Variants in ADAM32 observed in about 807,000 individuals in gnomAD.
ADAM32 encodes the protein ADAM metallopeptidase domain 32, also known as disintegrin and metalloproteinase domain-containing protein 32.
ADAM32 carries 89 observed loss-of-function variants against 114.9 expected under a neutral mutation model. The ratio of observed to expected loss-of-function variants is 0.77; its 90% CI spans 0.65 to 0.92. ADAM32 has a LOEUF of 0.92. Ranked by LOEUF, ADAM32 falls within the 40% of genes least tolerant of loss-of-function variation. The probability of loss-of-function intolerance (pLI) is 0.00; values close to 1 mark genes in which losing one functional copy is unlikely to be tolerated. For synonymous variants in ADAM32, 285 were observed against 307.5 expected, an observed-to-expected ratio of 0.93 and a Z score of 0.77; for missense variants, 870 against 932.8, an observed-to-expected ratio of 0.93 and a Z score of 0.88.
chr8:39,263,391 G>C (rs899748502), intron 19 of ADAM32, among the ~76,000 whole-genome samples: 17 of 151,932 alleles, frequency 1.1e-4, no homozygotes, highest in African/African-American at 4.1e-4. Context: ...CCTTATCTCT[G>C]CAATAATTGA....
chr8:39,130,669 G>A (rs1216652453), intron 2 of ADAM32, among the ~76,000 whole-genome samples: 1 of 152,010 alleles, frequency 6.6e-6, no homozygotes, highest in Non-Finnish European at 1.5e-5. Flanking sequence ...ATTTAGAAGT[G>A]TGTTTTTAAA....
chr8:39,180,828 A>G (rs1353139947), intron 10 of ADAM32, among the ~76,000 whole-genome samples: 1 of 151,634 alleles, frequency 6.6e-6, no homozygotes, highest in African/African-American at 2.4e-5. Context: ...CTCTGTATCT[A>G]GCTCAAGGTT....
intron 9 of ADAM32, 65 bp downstream of exon 9, chr8:39,165,261 T>C: frequency 8.7e-7 from 1 of 1,152,046 alleles, no homozygotes; most frequent in Non-Finnish European, 1.2e-6. Flanking sequence ...TGTGGCTTAA[T>C]GTAAGGAATT....
At chr8:39,145,992 TAA>T (rs973094420) in intron 3 of ADAM32, among the ~76,000 whole-genome samples, 1 of 151,986 alleles carries the variant, frequency 6.6e-6, no homozygotes, top group African/African-American at 2.4e-5. Flanking sequence ...TCGGCCTCCC[TAA>T]GTTTTGGGAT....
In ADAM32 at chr8:39,251,108, A is replaced by G. The variant is rs143008403; in HGVS notation, c.1903-3306A>G. ...CTTACATTGATTCTATATTTTGGCTATTGTGAATAGTGCTACAATAAACAT... is the reference window on the plus strand; with the variant it reads ...CTTACATTGATTCTATATTTTGGCTGTTGTGAATAGTGCTACAATAAACAT... On this transcript the variant is annotated intron_variant, in intron 17 of 24. Coordinates refer to ENST00000379907, the MANE Select transcript of ADAM32 (RefSeq NM_145004.7). Among the ~76,000 whole-genome samples the G allele has an allele frequency of 4.6e-3, 693 of 151,900 alleles. 6 individuals are homozygous for G. The highest frequency in any genetic ancestry group is 0.015 in the African/African-American group (626 of 41,488).
At position 39,211,462 on chromosome 8, in the gene ADAM32, C is replaced by T. The variant is rs928855767; in HGVS notation, c.1233+138C>T. ...AAGTGAAGTTGGGTCGAAATACATA[C>T]AAGAAAATACTGTTTAGATTTTGTA... is the stretch of plus-strand genomic sequence containing the variant. On this transcript the variant is annotated intron_variant, in intron 12 of 24. Coordinates refer to ENST00000379907, the MANE Select transcript of ADAM32 (RefSeq NM_145004.7). 7 of 832,524 alleles carry T rather than the reference C, an allele frequency of 8.4e-6. No homozygotes were observed. In the African/African-American group the frequency reaches 1.1e-4, roughly 13 times the overall value. The allele number at this position is 832,524 out of a possible 1,614,324, so 51.6% of individuals were successfully genotyped here.
chr8:39,254,346 AGCTTG>A (rs1246187673), intron 17 of ADAM32, 63 bp from the exon 18 acceptor site: 2 of 1,293,400 alleles, frequency 1.5e-6, no homozygotes, highest in Non-Finnish European at 2.2e-6. Context: ...TACAAAAGTA[AGCTTG>A]ATGCTCACCT....
At chr8:39,241,202 A>T (rs1175318665) in intron 16 of ADAM32, among the ~76,000 whole-genome samples, 1 of 152,236 alleles carries the variant, frequency 6.6e-6, no homozygotes, top group African/African-American at 2.4e-5. Context: ...GGGCTCCCAC[A>T]GCCTTGAGCA....
At chr8:39,188,411 A>G (rs1381317263) in intron 11 of ADAM32, among the ~76,000 whole-genome samples, 1 of 152,102 alleles carries the variant, frequency 6.6e-6, no homozygotes, top group African/African-American at 2.4e-5. Flanking sequence ...CTATCCATCC[A>G]TCTATCACAA....
intron 17 of ADAM32, among the ~76,000 whole-genome samples, chr8:39,247,905 T>C (rs78193529): frequency 7.6e-4 from 115 of 151,768 alleles, no homozygotes; most frequent in Non-Finnish European, 1.3e-3. Context: ...CTTTTTTTTT[T>C]CCTGCATTTT....
At chr8:39,258,113 T>C (rs958532470) in intron 19 of ADAM32, among the ~76,000 whole-genome samples, 3 of 152,028 alleles carry the variant, frequency 2.0e-5, no homozygotes, top group African/African-American at 7.2e-5. Context: ...TTTTTCAATT[T>C]TGGTTTGTTT....
rs1186152120 is a variant in ADAM32 at position 39,107,803 on chromosome 8, G to C, written c.28G>C (p.Gly10Arg). 6.5e-7 allele frequency: 1 copy of C among 1,549,566 alleles called. No individual in the cohort carries two copies. Among genetic ancestry groups the C allele is most frequent in the Admixed American group, 2.0e-5 (1 of 50,892 alleles). ...GTTCCGCCTCTGGTTGCTGCTGGCC[G>C]GGCTCTGCGGCCTCCTGGCGTCAAG... MFRLWLLLA[G>R]LCGLLASRPG... The change falls in exon 1 of 25, where the codon GGG becomes CGG. Residue 10 changes from glycine (G) to arginine (R), a missense_variant. Physicochemically the swap from Gly to Arg is moderately radical, Grantham distance 125 (BLOSUM62 -2). Transcript: ENST00000379907.
intron 24 of ADAM32, among the ~76,000 whole-genome samples, chr8:39,284,523 ATTTCATTTTATATGAAAAAATTTTAATTT>A (rs757216429): frequency 1.2e-3 from 187 of 152,326 alleles, no homozygotes; most frequent in Non-Finnish European, 1.9e-3. Context: ...ATTCATAAAC[ATTTCATTTTATATGAAAAAATTTTAATTT>A]TTTCATTTGC....
At chr8:39,237,231 C>T (rs181002289) in intron 16 of ADAM32, among the ~76,000 whole-genome samples, 39 of 152,150 alleles carry the variant, frequency 2.6e-4, no homozygotes, top group African/African-American at 8.4e-4. Context: ...CCCTGGGAAG[C>T]GATTTCTGAT....
At chr8:39,213,532 A>G (rs962489304) in intron 12 of ADAM32, among the ~76,000 whole-genome samples, 1 of 152,038 alleles carries the variant, frequency 6.6e-6, no homozygotes, top group African/African-American at 2.4e-5. Context: ...GTGTATATTT[A>G]TACATACATC....
chr8:39,119,757 C>T (rs1441600873), intron 2 of ADAM32, among the ~76,000 whole-genome samples: 1 of 151,954 alleles, frequency 6.6e-6, no homozygotes, highest in East Asian at 1.9e-4. Context: ...GGTTTTGTAT[C>T]TAAGAACTCT....
chr8:39,193,872 G>C (rs1226812173), intron 11 of ADAM32, among the ~76,000 whole-genome samples: 1 of 152,172 alleles, frequency 6.6e-6, no homozygotes, highest in Non-Finnish European at 1.5e-5. Context: ...TGCTTCTGTG[G>C]AGGAGCCATG....
chr8:39,196,701 A>G (rs759990933), intron 11 of ADAM32, among the ~76,000 whole-genome samples: 1 of 152,106 alleles, frequency 6.6e-6, no homozygotes, highest in African/African-American at 2.4e-5. Flanking sequence ...ATCATTATAT[A>G]ATATATCTCC....
intron 10 of ADAM32, among the ~76,000 whole-genome samples, chr8:39,172,764 C>T (rs7823591): frequency 1.3e-5 from 2 of 152,086 alleles, no homozygotes; most frequent in Non-Finnish European, 2.9e-5. Context: ...TGGGTTGATT[C>T]CATGTCTTTG....
Sources: gnomAD v4.1 joint callset for allele counts (sites outside exome capture counted in the v4.1 genomes callset) on GRCh38, gnomAD v4.1.1 for gene constraint, MANE v1.5 for transcripts, NCBI Gene and HGNC (gene_info 2026-07-23, HGNC 2026-07-21) for gene names.